The following EYA2 variants were observed in gnomAD, a reference collection of about 807,000 sequenced individuals.
The protein encoded by EYA2 is protein phosphatase EYA2.
Under a neutral mutation model 69.2 loss-of-function variants are expected in EYA2, and 31 were observed. That is an observed-to-expected ratio of 0.45 (90% CI 0.34 to 0.60). The LOEUF (loss-of-function observed/expected upper bound fraction) is 0.60, where lower values mean the gene tolerates loss of function less well. Among genes scored for constraint, EYA2 ranks in the 20% least tolerant of loss-of-function variants. The pLI, the probability that EYA2 is intolerant of heterozygous loss-of-function variation, is 0.02. For missense variants in EYA2, 622 were observed against 701.2 expected (o/e 0.89, Z 1.28); for synonymous variants, 257 against 279.4 (o/e 0.92, Z 0.80).
intron 1 of EYA2, among the ~76,000 whole-genome samples, chr20:46,896,481 T>C (rs888561050): frequency 2.0e-5 from 3 of 152,192 alleles, no homozygotes; most frequent in Non-Finnish European, 4.4e-5. Context: ...TGAAAGAATC[T>C]TTCACAATTT....
chr20:47,044,848 A>G (rs948249076), intron 5 of EYA2, among the ~76,000 whole-genome samples: 1 of 152,194 alleles, frequency 6.6e-6, no homozygotes, highest in African/African-American at 2.4e-5. Flanking sequence ...TAAATCCAGG[A>G]CTGAGACACT....
At chr20:47,057,513 C>A (rs112221507) in intron 5 of EYA2, among the ~76,000 whole-genome samples, 1,733 of 142,826 alleles carry the variant, frequency 0.012, 90 homozygotes, top group African/African-American at 0.047. Context: ...TTATATCACC[C>A]CCCCCCCCCA....
intron 5 of EYA2, among the ~76,000 whole-genome samples, chr20:47,066,887 G>A (rs556471116): frequency 6.4e-4 from 98 of 152,232 alleles, no homozygotes; most frequent in African/African-American, 2.2e-3. Flanking sequence ...AAAGAGGTCA[G>A]TGTTTCACAT....
rs180919978 is a variant in EYA2, at chr20:47,074,006, C to T, written c.484-152C>T. On this transcript the variant is annotated intron_variant, in intron 6 of 15. Transcript: ENST00000327619. ...CCTCCTTGCACTTGAATCCTTGCCCCGGGGTCTGCTTCTGGGAAACCAAAA... is the reference window on the plus strand; with the variant it reads ...CCTCCTTGCACTTGAATCCTTGCCCTGGGGTCTGCTTCTGGGAAACCAAAA... 3.2e-3 allele frequency: 2,071 copies of T among 651,828 alleles called. 99 individuals carry two copies. The Admixed American group carries it at 0.062, about 19-fold the overall frequency. 40.4% of individuals were successfully genotyped at this position (651,828 alleles called of 1,614,324 possible).
At chr20:47,008,945 A>G (rs116069268) in intron 4 of EYA2, among the ~76,000 whole-genome samples, 11 of 152,362 alleles carry the variant, frequency 7.2e-5, no homozygotes, top group Non-Finnish European at 1.3e-4. Flanking sequence ...TTTGTGATCC[A>G]TATGGTCTTT....
chr20:47,062,568 G>A (rs2030933142), intron 5 of EYA2, among the ~76,000 whole-genome samples: 1 of 152,152 alleles, frequency 6.6e-6, no homozygotes, highest in South Asian at 2.1e-4. Context: ...TAATAAGGGA[G>A]GATGGCTCTT....
At chr20:46,989,169 T>C (rs1450991420) in intron 1 of EYA2, among the ~76,000 whole-genome samples, 4 of 152,206 alleles carry the variant, frequency 2.6e-5, no homozygotes, top group South Asian at 2.1e-4. Flanking sequence ...TGTTCTCTCT[T>C]GGTCAGGTCC....
chr20:46,921,424 A>G (rs963588070), intron 1 of EYA2, among the ~76,000 whole-genome samples: 3 of 152,130 alleles, frequency 2.0e-5, no homozygotes, highest in African/African-American at 4.8e-5. Context: ...GCATCCATTC[A>G]TCTCCTGGTT....
chr20:47,161,425 A>G, intron 10 of EYA2: 1 of 419,984 alleles, frequency 2.4e-6, no homozygotes. Flanking sequence ...TCCTTGAGAG[A>G]AGCCCCCAGG....
chr20:46,912,639 G>A (rs1219673139), intron 1 of EYA2, among the ~76,000 whole-genome samples: 2 of 152,110 alleles, frequency 1.3e-5, no homozygotes, highest in African/African-American at 4.8e-5. Flanking sequence ...TAGAGGGGAG[G>A]GAGGTTGATG....
chr20:46,908,870 C>CTTTTTTTTTTTTTTTTTTTTTT (rs56834738), intron 1 of EYA2, among the ~76,000 whole-genome samples: 2 of 47,582 alleles, frequency 4.2e-5, no homozygotes. Context: ...CTCTCCCGCA[C>CTTTTTTTTTTTTTTTTTTTTTT]TTTTTTTTTT....
intron 9 of EYA2, among the ~76,000 whole-genome samples, chr20:47,140,567 C>T (rs871859): frequency 0.017 from 2,628 of 152,178 alleles, 115 homozygotes; most frequent in East Asian, 0.17. Flanking sequence ...AGGCCCCTGT[C>T]GCTCCTCTCC....
rs1983399894 is a variant in EYA2, at chr20:47,016,204, A to C, written c.322A>C (p.Asn108His). 1.9e-6 allele frequency: 3 copies of C among 1,614,000 alleles called. No homozygotes were observed. Among genetic ancestry groups the C allele is most frequent in the Non-Finnish European group, 2.5e-6 (3 of 1,179,988 alleles). Residue 108 changes from asparagine to histidine, a missense_variant, in exon 5 of 16, where the codon AAC (asparagine) becomes CAC (histidine). This residue lies in a region of EYA2 where 365 missense variants were observed against 349.7 expected (regional missense o/e 1.04). Coordinates refer to ENST00000327619, the MANE Select transcript of EYA2 (RefSeq NM_005244.5). ...AGGCATCAAGACAGAAGACAGCTTG[A>C]ACCATTCCCCTGGCCAGAGTGGATT... ...SYSIKTEDSLNHSPGQSGFLS... is the reference protein window; with the variant it reads ...SYSIKTEDSLHHSPGQSGFLS...
At position 47,019,644 on chromosome 20, in the gene EYA2, C is replaced by T. The variant is rs970383587; in HGVS notation, c.415+3347C>T. On this transcript the variant is annotated intron_variant, in intron 5 of 15. Coordinates refer to ENST00000327619, the MANE Select transcript of EYA2 (RefSeq NM_005244.5). ...GAAAATGCTGATTTTGTGAAATTGG[C>T]CCATGGTGAGAAGCTAGCATGAGTC... is the stretch of plus-strand genomic sequence containing the variant. 3.9e-5 allele frequency among the ~76,000 whole-genome samples: 6 copies of T among 152,006 alleles called. No individual in the cohort carries two copies. The East Asian group carries it at 5.8e-4, about 15-fold the overall frequency.
chr20:47,055,064 T>C lies in EYA2; in HGVS notation c.416-17121T>C, dbSNP rs923833148. ...GCTCCAGCCTCTTTACCATATGTCATCTTGAGATTCCCTCTCATTGGACCT... is the reference window on the plus strand; with the variant it reads ...GCTCCAGCCTCTTTACCATATGTCACCTTGAGATTCCCTCTCATTGGACCT... On this transcript the variant is annotated intron_variant, in intron 5 of 15. Transcript: ENST00000327619. Among the ~76,000 whole-genome samples the C allele has an allele frequency of 2.0e-5, 3 of 152,288 alleles. No homozygotes were observed. The East Asian group carries it at 5.8e-4, about 29-fold the overall frequency.
At chr20:47,184,413 C>CT (rs36118012) in intron 15 of EYA2, among the ~76,000 whole-genome samples, 1,311 of 117,838 alleles carry the variant, frequency 0.011, 11 homozygotes, top group African/African-American at 0.016. Flanking sequence ...CATTGCATCC[C>CT]TTTTTTTTTT....
intron 9 of EYA2, among the ~76,000 whole-genome samples, chr20:47,104,059 G>C (rs1420895939): frequency 6.6e-6 from 1 of 152,120 alleles, no homozygotes; most frequent in African/African-American, 2.4e-5. Flanking sequence ...CTTCCCATCA[G>C]CCATGTAAAA....
chr20:47,052,981 G>A (rs1322393672), intron 5 of EYA2, among the ~76,000 whole-genome samples: 1 of 152,182 alleles, frequency 6.6e-6, no homozygotes, highest in Non-Finnish European at 1.5e-5. Flanking sequence ...GTCATTGAGT[G>A]TGTCCCCTAT....
intron 1 of EYA2, among the ~76,000 whole-genome samples, chr20:46,976,819 G>C (rs1980496205): frequency 1.3e-5 from 2 of 152,186 alleles, no homozygotes; most frequent in Admixed American, 1.3e-4. Flanking sequence ...GGGTTTTTCA[G>C]TTTTAAACTG....
Sources: gnomAD v4.1 joint callset for allele counts (sites outside exome capture counted in the v4.1 genomes callset) on GRCh38, gnomAD v4.1.1 for gene constraint, gnomAD v4.1.1 regional missense constraint, MANE v1.5 for transcripts, NCBI Gene and HGNC (gene_info 2026-07-23, HGNC 2026-07-21) for gene names.